AOPEP: variants seen among roughly 807,000 people sequenced by gnomAD.
AOPEP encodes aminopeptidase O.
In AOPEP, 77 loss-of-function variants were observed where a neutral mutation model predicts 98.1. That is an observed-to-expected ratio of 0.78 (90% CI 0.65 to 0.95). The LOEUF is 0.95. Ranked by LOEUF, AOPEP falls within the 40% of genes least tolerant of loss-of-function variation. The pLI, the probability that AOPEP is intolerant of heterozygous loss-of-function variation, is 0.00. For synonymous variants in AOPEP, 346 were observed against 365.3 expected (o/e 0.95, Z 0.60); for missense variants, 1,024 against 1,024.7 (o/e 1.00, Z 0.01).
At chr9:94,884,705 A>G (rs1291536294) in intron 5 of AOPEP, among the ~76,000 whole-genome samples, 3 of 152,196 alleles carry the variant, frequency 2.0e-5, no homozygotes, top group Admixed American at 2.0e-4. Context: ...GAGTAAATGC[A>G]TGTATAGCTC....
intron 13 of AOPEP, among the ~76,000 whole-genome samples, chr9:95,026,116 A>G (rs1001719612): frequency 6.6e-5 from 10 of 152,268 alleles, no homozygotes; most frequent in African/African-American, 2.4e-4. Flanking sequence ...AAGTCAAGAA[A>G]GTAAGAGAAA....
chr9:95,062,321 A>G (rs983334962), intron 14 of AOPEP, among the ~76,000 whole-genome samples: 7 of 152,162 alleles, frequency 4.6e-5, no homozygotes, highest in African/African-American at 9.7e-5. Context: ...CTGTGCCCCT[A>G]TATTTTTGAG....
chr9:94,867,106 T>A (rs1343962798), intron 5 of AOPEP, among the ~76,000 whole-genome samples: 1 of 152,224 alleles, frequency 6.6e-6, no homozygotes, highest in African/African-American at 2.4e-5. Context: ...CTGCCTGCTA[T>A]TTTGATTAAA....
chr9:94,912,930 G>A (rs956869383), intron 5 of AOPEP, among the ~76,000 whole-genome samples: 6 of 152,214 alleles, frequency 3.9e-5, no homozygotes, highest in Admixed American at 2.0e-4. Flanking sequence ...TCACTCCAGT[G>A]ATATTGTTTC....
chr9:95,106,509 C>T, the AOPEP span, among the ~76,000 whole-genome samples: 1 of 152,192 alleles, frequency 6.6e-6, no homozygotes, highest in South Asian at 2.1e-4. Flanking sequence ...ATTGCTGTGC[C>T]TTTGGTATCA....
the AOPEP span, chr9:95,111,622 G>C: frequency 1.2e-6 from 2 of 1,614,166 alleles, no homozygotes; most frequent in Non-Finnish European, 1.7e-6. Flanking sequence ...AGCTCTCAAA[G>C]GGACCTCCGC....
At chr9:95,122,354 T>C in the AOPEP span, among the ~76,000 whole-genome samples, 1 of 152,090 alleles carries the variant, frequency 6.6e-6, no homozygotes, top group Non-Finnish European at 1.5e-5. Flanking sequence ...TAGCTAAAAA[T>C]GGACAGTCAA....
At chr9:94,983,581 T>A (rs1045092394) in intron 11 of AOPEP, among the ~76,000 whole-genome samples, 2 of 152,198 alleles carry the variant, frequency 1.3e-5, no homozygotes, top group Non-Finnish European at 2.9e-5. Flanking sequence ...TTTTCCCCCA[T>A]GGACAATGGA....
At chr9:95,117,513 T>TTA in the AOPEP span, 1 of 731,310 alleles carries the variant, frequency 1.4e-6, no homozygotes, top group Non-Finnish European at 2.4e-6. Flanking sequence ...TCAGAACACT[T>TTA]TCTTAAACAT....
At chr9:95,021,900 G>C (rs1564534946) in intron 13 of AOPEP, 1 of 152,276 alleles carries the variant, frequency 6.6e-6, no homozygotes, top group Non-Finnish European at 1.5e-5. Context: ...CTCCAGAAGA[G>C]AAGGCGAAGA....
intron 5 of AOPEP, among the ~76,000 whole-genome samples, chr9:94,860,816 G>A (rs2135415440): frequency 6.6e-6 from 1 of 152,270 alleles, no homozygotes; most frequent in Admixed American, 6.5e-5. Flanking sequence ...TTAGCACAGT[G>A]CCTGACACAG....
intron 5 of AOPEP, among the ~76,000 whole-genome samples, chr9:94,901,992 G>C (rs777776085): frequency 7.9e-5 from 12 of 152,160 alleles, no homozygotes; most frequent in Non-Finnish European, 1.8e-4. Flanking sequence ...TTAAAATGCA[G>C]ATTTCAATTC....
the AOPEP span, among the ~76,000 whole-genome samples, chr9:95,095,537 C>T: frequency 1.3e-5 from 2 of 152,160 alleles, no homozygotes; most frequent in Non-Finnish European, 2.9e-5. Flanking sequence ...CTCAGTTTAC[C>T]ATGTGTATTG....
chr9:94,748,233 C>T lies in AOPEP; in HGVS notation c.-135-11416C>T, dbSNP rs575073971. On this transcript the variant is annotated intron_variant, in intron 1 of 16. Coordinates refer to ENST00000375315, the MANE Select transcript of AOPEP (RefSeq NM_001193329.3). ...AATTCAGATCATTCTGATAAAAAGCCCCCTGTCATCTGTGTCGTTGTTCCT... is the reference window on the plus strand; with the variant it reads ...AATTCAGATCATTCTGATAAAAAGCTCCCTGTCATCTGTGTCGTTGTTCCT... Among the ~76,000 whole-genome samples the T allele has an allele frequency of 1.6e-3, 240 of 152,174 alleles. 1 individual carries two copies. The highest frequency in any genetic ancestry group is 3.4e-3 in the Middle Eastern group (1 of 294).
intron 1 of AOPEP, among the ~76,000 whole-genome samples, chr9:94,752,392 A>G (rs60048957): frequency 0.089 from 13,454 of 152,002 alleles, 705 homozygotes; most frequent in African/African-American, 0.13. Context: ...CACACCCCAC[A>G]TGCATGTACC....
chr9:95,100,380 A>G, the AOPEP span: 2 of 231,478 alleles, frequency 8.6e-6, no homozygotes, highest in Admixed American at 5.6e-5. Flanking sequence ...ATCTATTAGC[A>G]TTGCCACATA....
In AOPEP at chr9:94,759,985, TCAAA is replaced by T; in HGVS notation, c.207_210del (p.Asn69LysfsTer15). 1 of 1,614,124 alleles carries T rather than the reference TCAAA, an allele frequency of 6.2e-7. No homozygotes were observed. The highest frequency in any genetic ancestry group is 8.5e-7 in the Non-Finnish European group (1 of 1,180,016). On this transcript the variant is annotated frameshift_variant, in exon 2 of 17. Coordinates refer to ENST00000375315, the MANE Select transcript of AOPEP (RefSeq NM_001193329.3). LOFTEE classifies it high-confidence loss of function. ...TATTGAGGAAGCCTGCCAATCAGAA[TCAAA>T]CAAAGCCTGCAAATTTGGGATGCCT...
At chr9:95,098,054 TG>T in the AOPEP span, among the ~76,000 whole-genome samples, 1 of 152,182 alleles carries the variant, frequency 6.6e-6, no homozygotes, top group African/African-American at 2.4e-5. Flanking sequence ...CACGGGGAAC[TG>T]TTTCTCTTCT....
chr9:94,763,379 G>A (rs1564089778), intron 2 of AOPEP: 3 of 219,442 alleles, frequency 1.4e-5, no homozygotes, highest in African/African-American at 2.4e-5. Context: ...CACCTGTACT[G>A]TATCCCAGCT....
Sources: allele counts gnomAD v4.1 joint callset (sites outside exome capture counted in the v4.1 genomes callset), GRCh38; gene constraint gnomAD v4.1.1; transcripts MANE v1.5; gene names NCBI Gene and HGNC (gene_info 2026-07-23, HGNC 2026-07-21).